Variants in ANOS1 observed in about 807,000 individuals in gnomAD.
ANOS1 encodes the protein anosmin 1.
ANOS1 carries 6 observed loss-of-function variants against 59.0 expected under a neutral mutation model. The observed-to-expected ratio is 0.10, with a 90% CI of 0.06 to 0.20. The LOEUF (loss-of-function observed/expected upper bound fraction) is 0.20, where lower values mean the gene tolerates loss of function less well. Among genes scored for constraint, ANOS1 ranks in the 10% least tolerant of loss-of-function variants. The pLI is 1.00. For synonymous variants in ANOS1, 217 were observed against 223.4 expected (o/e 0.97, Z 0.25); for missense variants, 433 against 542.3 (o/e 0.80, Z 2.00).
chrX:8,555,022 A>G lies in ANOS1; in HGVS notation c.1208-924T>C, dbSNP rs1486442781. On this transcript the variant is annotated intron_variant, in intron 8 of 13. Transcript: ENST00000262648. ...AATGCAAAAGAATGGAAATCATAAC[A>G]AACAGTCTCTCAGACCACAGTGCAA... is the stretch of plus-strand genomic sequence containing the variant. Among the ~76,000 whole-genome samples the G allele has an allele frequency of 4.5e-5, 5 of 111,879 alleles. No homozygotes were observed. The East Asian group carries it at 1.4e-3, about 31-fold the overall frequency.
At position 8,614,750 on chromosome X, in the gene ANOS1, C is replaced by T. The variant is rs914620222; in HGVS notation, c.318+8858G>A. Among the ~76,000 whole-genome samples the T allele has an allele frequency of 8.2e-5, 9 of 109,953 alleles. No individual in the cohort carries two copies. In the East Asian group the frequency reaches 1.4e-3, roughly 17 times the overall value. The stretch of plus-strand genomic sequence containing the variant: ...TATTTGCCTAGCCCTTCTTTTCAGG[C>T]TTAGGTCTTTAAATCATTCTGAATA... On this transcript the variant is annotated intron_variant, in intron 3 of 13. Coordinates refer to ENST00000262648, the MANE Select transcript of ANOS1 (RefSeq NM_000216.4).
intron 9 of ANOS1, among the ~76,000 whole-genome samples, chrX:8,549,351 C>A (rs914135311): frequency 1.3e-4 from 15 of 112,219 alleles, no homozygotes; most frequent in African/African-American, 4.5e-4. Flanking sequence ...ATTTGTCATG[C>A]ACTGAAATCA....
rs752352281 is a variant in ANOS1, at chrX:8,695,358, C to T, written c.255+4340G>A. Among the ~76,000 whole-genome samples, 472 of 111,875 alleles carry T rather than the reference C, an allele frequency of 4.2e-3. 2 individuals are homozygous for T. Among genetic ancestry groups the T allele is most frequent in the African/African-American group, 0.015 (449 of 30,779 alleles). ...TGCCCTGAATCATCCGAGACTGAAA[C>T]TGTGTTTAGATGTCAGTTTTGCGAA... On this transcript the variant is annotated intron_variant, in intron 2 of 13. Coordinates refer to ENST00000262648, the MANE Select transcript of ANOS1 (RefSeq NM_000216.4).
At chrX:8,703,392 T>TATG (rs1475207328) in intron 1 of ANOS1, among the ~76,000 whole-genome samples, 2 of 111,849 alleles carry the variant, frequency 1.8e-5, no homozygotes, top group Non-Finnish European at 3.8e-5. Flanking sequence ...CACCTTTGAC[T>TATG]ATTATTATTA....
rs1013865380 is a variant in ANOS1, at chrX:8,646,528, C to T, written c.256-22858G>A. ...CGCTAACACTCATTTTCCATCTTTT[C>T]ATGGCTGCAATAGAAAGCTTCATGT... On this transcript the variant is annotated intron_variant, in intron 2 of 13. Coordinates refer to ENST00000262648, the MANE Select transcript of ANOS1 (RefSeq NM_000216.4). Among the ~76,000 whole-genome samples the T allele has an allele frequency of 3.6e-5, 4 of 111,092 alleles. No homozygotes were observed. The East Asian group carries it at 1.1e-3, about 31-fold the overall frequency.
At position 8,542,206 on chromosome X, in the gene ANOS1, C is replaced by T. The variant is rs781447970; in HGVS notation, c.1355-2448G>A. On this transcript the variant is annotated intron_variant, in intron 9 of 13. Coordinates refer to ENST00000262648, the MANE Select transcript of ANOS1 (RefSeq NM_000216.4). ...AATGTCTACTTTCACCTGAGCTAGT[C>T]CCTTGAAGAGCTGATGCTCCCTCCT... Among the ~76,000 whole-genome samples, 3 of 111,291 alleles carry T rather than the reference C, an allele frequency of 2.7e-5. No homozygotes were observed. In the South Asian group the frequency reaches 1.1e-3, roughly 42 times the overall value.
At chrX:8,622,973 G>C (rs1361073293) in intron 3 of ANOS1, among the ~76,000 whole-genome samples, 1 of 111,310 alleles carries the variant, frequency 9.0e-6, no homozygotes, top group Non-Finnish European at 1.9e-5. Context: ...AATAGATATA[G>C]ATAGATAATA....
chrX:8,599,940 G>A (rs4830593), intron 3 of ANOS1, among the ~76,000 whole-genome samples: 42,212 of 110,877 alleles, frequency 0.38, 5,757 homozygotes, highest in South Asian at 0.43. Flanking sequence ...TCTCTTTTCC[G>A]GCAGTTAGTT....
rs1930120973 is a variant in ANOS1 at position 8,566,757 on chromosome X, CAGA to C, written c.1207+1472_1207+1474del. Among the ~76,000 whole-genome samples the C allele has an allele frequency of 3.6e-5, 4 of 111,515 alleles. No homozygotes were observed. In the Admixed American group the frequency reaches 3.8e-4, roughly 11 times the overall value. ...ATCTCCAAAGAGACTATTTCTCAAACAGATAGAAATCTCTGTTTCTGGACCATT... is the reference window on the plus strand; with the variant it reads ...ATCTCCAAAGAGACTATTTCTCAAACTAGAAATCTCTGTTTCTGGACCATT... On this transcript the variant is annotated intron_variant, in intron 8 of 13. Coordinates refer to ENST00000262648, the MANE Select transcript of ANOS1 (RefSeq NM_000216.4).
In ANOS1 at chrX:8,630,971, G is replaced by C. The variant is rs1931479320; in HGVS notation, c.256-7301C>G. Among the ~76,000 whole-genome samples, 3 of 112,265 alleles carry C rather than the reference G, an allele frequency of 2.7e-5. No individual in the cohort carries two copies. The Admixed American group carries it at 2.8e-4, about 11-fold the overall frequency. On this transcript the variant is annotated intron_variant, in intron 2 of 13. Coordinates refer to ENST00000262648, the MANE Select transcript of ANOS1 (RefSeq NM_000216.4). ...TATGGAAGTGCAATCTCATCAACAT[G>C]GTTACCAATTTGTTTTGAGAAGTGG... is the stretch of plus-strand genomic sequence containing the variant.
chrX:8,679,805 T>C (rs759364222), intron 2 of ANOS1, among the ~76,000 whole-genome samples: 8 of 111,345 alleles, frequency 7.2e-5, no homozygotes, highest in Non-Finnish European at 1.5e-4. Context: ...CCAGTTGCAT[T>C]TCCAACAACG....
chrX:8,655,544 C>T (rs950072220), intron 2 of ANOS1, among the ~76,000 whole-genome samples: 4 of 111,407 alleles, frequency 3.6e-5, no homozygotes, highest in African/African-American at 9.8e-5. Context: ...AGACACATCA[C>T]CACAATCATG....
intron 6 of ANOS1, among the ~76,000 whole-genome samples, chrX:8,577,241 T>C (rs12014914): frequency 1.2e-3 from 136 of 112,026 alleles, no homozygotes; most frequent in Middle Eastern, 4.6e-3. Context: ...TTATTGTTCT[T>C]ATTTTAGAGA....
At chrX:8,727,553 G>A (rs1019840664) in intron 1 of ANOS1, among the ~76,000 whole-genome samples, 2 of 112,512 alleles carry the variant, frequency 1.8e-5, no homozygotes, top group Non-Finnish European at 3.8e-5. Flanking sequence ...ATCTGCTGGG[G>A]GCAGGAGCAG....
chrX:8,648,458 CAAA>C (rs765958124), intron 2 of ANOS1, among the ~76,000 whole-genome samples: 6 of 48,646 alleles, frequency 1.2e-4, no homozygotes, highest in Admixed American at 5.0e-4. Flanking sequence ...AAAATTCCGT[CAAA>C]AAAAAAAAAA....
chrX:8,602,971 T>C (rs984620125), intron 3 of ANOS1, among the ~76,000 whole-genome samples: 2 of 111,762 alleles, frequency 1.8e-5, no homozygotes, highest in Non-Finnish European at 3.8e-5. Flanking sequence ...TCTCCTGACC[T>C]CAAGTGATCT....
chrX:8,560,689 A>T (rs1465058901), intron 8 of ANOS1, among the ~76,000 whole-genome samples: 1 of 112,545 alleles, frequency 8.9e-6, no homozygotes, highest in Non-Finnish European at 1.9e-5. Flanking sequence ...ATCCAGTTTC[A>T]CATAATTCAA....
chrX:8,639,884 AG>A (rs1931630459), intron 2 of ANOS1, among the ~76,000 whole-genome samples: 2 of 111,196 alleles, frequency 1.8e-5, no homozygotes, highest in African/African-American at 6.5e-5. Flanking sequence ...GAGCAAAATC[AG>A]TGACCCCTCT....
chrX:8,658,139 G>T (rs1052936354), intron 2 of ANOS1, among the ~76,000 whole-genome samples: 1 of 111,921 alleles, frequency 8.9e-6, no homozygotes, highest in African/African-American at 3.3e-5. Flanking sequence ...AGAGCTGTGG[G>T]TGCTCAATGT....
Sources: gnomAD v4.1 joint callset for allele counts (sites outside exome capture counted in the v4.1 genomes callset) on GRCh38, gnomAD v4.1.1 for gene constraint, MANE v1.5 for transcripts, NCBI Gene and HGNC (gene_info 2026-07-23, HGNC 2026-07-21) for gene names.